The following LMF1 variants were observed in gnomAD, a reference collection of about 807,000 sequenced individuals.
The protein encoded by LMF1 is transmembrane protein 112.
Under a neutral mutation model 60.6 loss-of-function variants are expected in LMF1, and 68 were observed. The observed-to-expected ratio is 1.12, with a 90% CI of 0.92 to 1.37. The LOEUF is 1.37. Ranked by LOEUF, LMF1 falls within the 40% of genes most tolerant of loss-of-function variation. LMF1 has a pLI of 0.00. For missense variants in LMF1, 948 were observed against 767.2 expected (o/e 1.24, Z -2.78); for synonymous variants, 418 against 324.7 (o/e 1.29, Z -3.09).
chr16:947,378 G>A (rs989850553), intron 2 of LMF1: 3 of 422,154 alleles, frequency 7.1e-6, no homozygotes, highest in Admixed American at 2.5e-5. Context: ...AGGTGTTGCA[G>A]GTACTTGTGG....
At chr16:979,953 G>A (rs539808220) in intron 1 of LMF1, 110 of 357,404 alleles carry the variant, frequency 3.1e-4, no homozygotes, top group African/African-American at 2.0e-3. Context: ...GGGCCTCCAG[G>A]GGGAAGAGGC....
chr16:966,949 A>G (rs551130810), intron 1 of LMF1, among the ~76,000 whole-genome samples: 3 of 152,388 alleles, frequency 2.0e-5, no homozygotes, highest in Non-Finnish European at 4.4e-5. Context: ...CATTGTGTAC[A>G]TATACTATGT....
intron 1 of LMF1, among the ~76,000 whole-genome samples, chr16:955,890 C>A (rs972491690): frequency 6.6e-6 from 1 of 152,248 alleles, no homozygotes; most frequent in African/African-American, 2.4e-5. Context: ...AGGTGAGCCA[C>A]ACTTGCCCTC....
At chr16:867,869 G>A (rs1456156363) in intron 10 of LMF1, among the ~76,000 whole-genome samples, 1 of 152,166 alleles carries the variant, frequency 6.6e-6, no homozygotes, top group African/African-American at 2.4e-5. Context: ...GGGCCCAGCT[G>A]CTCCACTGCC....
intron 3 of LMF1, among the ~76,000 whole-genome samples, chr16:916,381 A>C (rs545532679): frequency 6.8e-4 from 104 of 152,296 alleles, no homozygotes; most frequent in African/African-American, 2.4e-3. Flanking sequence ...GCCCTCTGCC[A>C]CCCCAGGGGC....
intron 2 of LMF1, among the ~76,000 whole-genome samples, chr16:951,313 GAGTCAGAGACAACGACAA>G (rs1245625899): frequency 2.7e-5 from 4 of 150,304 alleles, no homozygotes; most frequent in East Asian, 2.0e-4. Flanking sequence ...GCCAATGACA[GAGTCAGAGACAACGACAA>G]AGTCAGAGAC....
At chr16:932,781 A>C (rs2071828513) in intron 3 of LMF1, among the ~76,000 whole-genome samples, 1 of 152,210 alleles carries the variant, frequency 6.6e-6, no homozygotes, top group Non-Finnish European at 1.5e-5. Context: ...AATGTTGAAG[A>C]ATGTAGTTTT....
chr16:957,249 G>T (rs549945913), intron 1 of LMF1, among the ~76,000 whole-genome samples: 1 of 152,146 alleles, frequency 6.6e-6, no homozygotes, highest in Non-Finnish European at 1.5e-5. Flanking sequence ...AAGTACATGC[G>T]GCTTCCTACT....
At position 913,404 on chromosome 16, in the gene LMF1, G is replaced by A. The variant is rs556206785; in HGVS notation, c.515-2325C>T. 2.2e-4 allele frequency among the ~76,000 whole-genome samples: 34 copies of A among 152,382 alleles called. No individual in the cohort carries two copies. The East Asian group carries it at 2.9e-3, about 13-fold the overall frequency. The stretch of plus-strand genomic sequence containing the variant: ...ATCAGCGGAGAAGCTGCATGTGCAC[G>A]GTCCAGGGAGATGCTCCTGAGCCCT... On this transcript the variant is annotated intron_variant, in intron 3 of 10. Coordinates refer to ENST00000262301, the MANE Select transcript of LMF1 (RefSeq NM_022773.4).
At chr16:893,620 T>C (rs2070560481) in intron 4 of LMF1, among the ~76,000 whole-genome samples, 1 of 152,030 alleles carries the variant, frequency 6.6e-6, no homozygotes, top group African/African-American at 2.4e-5. Context: ...TCCAGGGGCC[T>C]GCAGAGGGAG....
At position 914,152 on chromosome 16, in the gene LMF1, C is replaced by T. The variant is rs553496004; in HGVS notation, c.515-3073G>A. Reference sequence around the variant, plus strand: ...GACAGGGACATCCCCACCACTGCAACCTGGGCCACCCCGACCCCTCCTAGG... The same window carrying T: ...GACAGGGACATCCCCACCACTGCAATCTGGGCCACCCCGACCCCTCCTAGG... On this transcript the variant is annotated intron_variant, in intron 3 of 10. Transcript: ENST00000262301. Among the ~76,000 whole-genome samples the T allele has an allele frequency of 6.6e-5, 10 of 152,114 alleles. No individual in the cohort carries two copies. The East Asian group carries it at 1.9e-3, about 30-fold the overall frequency.
intron 2 of LMF1, among the ~76,000 whole-genome samples, chr16:948,701 A>AGAGCCAACGACAGAG (rs2072326192): frequency 1.6e-5 from 1 of 62,980 alleles, no homozygotes; most frequent in Admixed American, 1.7e-4. Flanking sequence ...CAACGACAGA[A>AGAGCCAACGACAGAG]TCAGAGACAA....
intron 6 of LMF1, among the ~76,000 whole-genome samples, chr16:876,463 T>C (rs1354061707): frequency 6.6e-6 from 1 of 152,306 alleles, no homozygotes; most frequent in South Asian, 2.1e-4. Flanking sequence ...GCCGGGACTT[T>C]AGTTGGCAAC....
intron 4 of LMF1, among the ~76,000 whole-genome samples, chr16:903,018 C>G (rs2070863454): frequency 1.5e-5 from 1 of 68,496 alleles, no homozygotes. Flanking sequence ...TGTGGGGACG[C>G]CTGTCTCTGC....
At chr16:857,360 G>A (rs1029568228) in intron 10 of LMF1, among the ~76,000 whole-genome samples, 5 of 152,246 alleles carry the variant, frequency 3.3e-5, no homozygotes, top group Non-Finnish European at 4.4e-5. Context: ...CGAGTGACTC[G>A]ATTTCTTGGT....
At chr16:925,710 T>C (rs908910294) in intron 3 of LMF1, among the ~76,000 whole-genome samples, 1 of 152,222 alleles carries the variant, frequency 6.6e-6, no homozygotes, top group Non-Finnish European at 1.5e-5. Flanking sequence ...CAGTCCAGCT[T>C]GGACAAATGA....
chr16:914,696 C>G (rs1488259821), intron 3 of LMF1, among the ~76,000 whole-genome samples: 9 of 24,132 alleles, frequency 3.7e-4, no homozygotes, highest in Admixed American at 1.0e-3. Flanking sequence ...CCATTGGTGA[C>G]ACACTCCCTC....
intron 3 of LMF1, among the ~76,000 whole-genome samples, chr16:916,679 G>C (rs2071288157): frequency 6.6e-6 from 1 of 152,220 alleles, no homozygotes; most frequent in African/African-American, 2.4e-5. Context: ...CAGAGCCCCA[G>C]ACCCCACTTC....
At chr16:893,656 T>C (rs73497261) in intron 4 of LMF1, among the ~76,000 whole-genome samples, 4,358 of 152,158 alleles carry the variant, frequency 0.029, 106 homozygotes, top group East Asian at 0.11. Flanking sequence ...AAGGTGGGAC[T>C]TGGGCAGAGA....
Sources: gnomAD v4.1 joint callset for allele counts (sites outside exome capture counted in the v4.1 genomes callset) on GRCh38, gnomAD v4.1.1 for gene constraint, MANE v1.5 for transcripts, NCBI Gene and HGNC (gene_info 2026-07-23, HGNC 2026-07-21) for gene names.